TTC3: variants seen among roughly 807,000 people sequenced by gnomAD.
TTC3 encodes the protein E3 ubiquitin-protein ligase TTC3.
In TTC3, 180 loss-of-function variants were observed where a neutral mutation model predicts 249.6. That is an observed-to-expected ratio of 0.72 (90% CI 0.64 to 0.82). The LOEUF is 0.82. Among genes scored for constraint, TTC3 ranks in the 40% least tolerant of loss-of-function variants. The pLI, the probability that TTC3 is intolerant of heterozygous loss-of-function variation, is 0.00. For missense variants in TTC3, 2,061 were observed against 2,398.4 expected (o/e 0.86, Z 2.94); for synonymous variants, 717 against 805.0 (o/e 0.89, Z 1.85).
chr21:37,083,054 C>A, intron 1 of TTC3: 1 of 985,360 alleles, frequency 1.0e-6, no homozygotes, highest in Non-Finnish European at 1.2e-6. Context: ...GATGGTCAAA[C>A]AATGTGAAAA....
At chr21:37,165,946 T>C (rs763044975) in exon 33 of TTC3, 145 of 1,614,052 alleles carry the variant, frequency 9.0e-5, no homozygotes, top group Admixed American at 2.3e-4. Context: ...CTGCAAATTC[T>C]CCCAAGCCAG....
At chr21:37,172,161 C>A (rs1569138211) in intron 34 of TTC3, among the ~76,000 whole-genome samples, 2 of 151,940 alleles carry the variant, frequency 1.3e-5, no homozygotes, top group African/African-American at 4.8e-5. Context: ...TTTGAAATAA[C>A]CAGCAACTAT....
intron 36 of TTC3, among the ~76,000 whole-genome samples, chr21:37,184,661 G>T (rs2083076287): frequency 7.1e-6 from 1 of 139,968 alleles, no homozygotes; most frequent in African/African-American, 2.6e-5. Context: ...TAGAGATGGG[G>T]TTTCACCATG....
At chr21:37,156,035 TG>T (rs2080030689) in intron 27 of TTC3, among the ~76,000 whole-genome samples, 2 of 116,080 alleles carry the variant, frequency 1.7e-5, no homozygotes. Flanking sequence ...AAACATTGTT[TG>T]GGTTTGTTTT....
intron 16 of TTC3, among the ~76,000 whole-genome samples, chr21:37,130,575 C>T (rs560920450): frequency 6.6e-6 from 1 of 152,270 alleles, no homozygotes; most frequent in Non-Finnish European, 1.5e-5. Context: ...TTACCACCAT[C>T]ATTTTCATTA....
intron 20 of TTC3, among the ~76,000 whole-genome samples, chr21:37,142,070 TC>T (rs1359375646): frequency 1.3e-5 from 2 of 152,188 alleles, no homozygotes; most frequent in African/African-American, 2.4e-5. Context: ...GCTAAAACTC[TC>T]AATAAATTAG....
At chr21:37,122,421 T>A (rs1469442789) in intron 12 of TTC3, among the ~76,000 whole-genome samples, 3,206 of 36,272 alleles carry the variant, frequency 0.088, 66 homozygotes, top group Non-Finnish European at 0.15. Flanking sequence ...ATATATATAA[T>A]ATATATATAT....
chr21:37,108,507 G>A, intron 11 of TTC3, 61 bp downstream of exon 11: 1 of 1,466,712 alleles, frequency 6.8e-7, no homozygotes, highest in Non-Finnish European at 9.4e-7. Context: ...TGAAAAATCT[G>A]TTTATAGGGT....
chr21:37,096,070 C>G (rs908915299), intron 9 of TTC3, among the ~76,000 whole-genome samples: 4 of 152,218 alleles, frequency 2.6e-5, no homozygotes, highest in African/African-American at 9.6e-5. Context: ...AGTGTACCAC[C>G]TCTGAGAGGC....
At chr21:37,102,049 T>TCC (rs1568919080) in intron 10 of TTC3, among the ~76,000 whole-genome samples, 3 of 151,864 alleles carry the variant, frequency 2.0e-5, no homozygotes, top group African/African-American at 4.8e-5. Flanking sequence ...TTTTTACTTA[T>TCC]GTTTTACACT....
At position 37,164,340 on chromosome 21, in the gene TTC3, A is replaced by ATT. The variant is rs34114322; in HGVS notation, c.3335+140_3335+141dup. 3.4e-3 allele frequency: 2,337 copies of ATT among 689,138 alleles called. 21 individuals carry two copies. Among genetic ancestry groups the ATT allele is most frequent in the African/African-American group, 0.03 (1,524 of 50,410 alleles). The allele number at this position is 689,138 out of a possible 1,614,324, so 42.7% of individuals were successfully genotyped here. A position where few individuals can be genotyped will look rare whatever the true frequency, so the allele number is the denominator to read the frequency against. On this transcript the variant is annotated intron_variant, in intron 32 of 45. Transcript: ENST00000355666. ...ACATTTTACACAAAGTTAATTTAGG[A>ATT]TTTTTTTTTTTTTTTTGAGACAGAG...
intron 16 of TTC3, among the ~76,000 whole-genome samples, chr21:37,129,361 T>G (rs1158315410): frequency 6.6e-6 from 1 of 152,134 alleles, no homozygotes; most frequent in African/African-American, 2.4e-5. Flanking sequence ...AAGAGAGATA[T>G]AAGGTGCACA....
intron 16 of TTC3, among the ~76,000 whole-genome samples, chr21:37,131,400 A>G (rs1050193568): frequency 1.3e-5 from 2 of 152,240 alleles, no homozygotes; most frequent in African/African-American, 4.8e-5. Flanking sequence ...AAAAGAGGGC[A>G]TGGGGAGCTT....
chr21:37,150,840 A>C (rs537264054), exon 25 of TTC3: 1 of 1,611,514 alleles, frequency 6.2e-7, no homozygotes, highest in Non-Finnish European at 8.5e-7. Context: ...AGGTCATAAA[A>C]GAAAAGGTTC....
intron 11 of TTC3, among the ~76,000 whole-genome samples, chr21:37,114,792 A>G (rs928307193): frequency 2.0e-5 from 3 of 152,194 alleles, no homozygotes; most frequent in Non-Finnish European, 4.4e-5. Flanking sequence ...CACATGTCCA[A>G]CAATGATAGA....
At chr21:37,146,972 C>T (rs1224171900) in intron 21 of TTC3, among the ~76,000 whole-genome samples, 2 of 152,170 alleles carry the variant, frequency 1.3e-5, no homozygotes, top group Non-Finnish European at 2.9e-5. Flanking sequence ...GGAAGCATGG[C>T]ATGAGTCTCT....
intron 35 of TTC3, among the ~76,000 whole-genome samples, chr21:37,173,598 T>C (rs1451737107): frequency 6.6e-6 from 1 of 152,218 alleles, no homozygotes; most frequent in East Asian, 1.9e-4. Context: ...TAGTAATTCA[T>C]TTAAGAAAGG....
At chr21:37,127,447 A>G (rs577404670) in intron 15 of TTC3, among the ~76,000 whole-genome samples, 1 of 152,236 alleles carries the variant, frequency 6.6e-6, no homozygotes, top group Admixed American at 6.5e-5. Flanking sequence ...TGGAGAAGTG[A>G]ATATTTTTGT....
intron 20 of TTC3, among the ~76,000 whole-genome samples, chr21:37,142,210 T>A (rs2078539685): frequency 6.6e-6 from 1 of 152,206 alleles, no homozygotes; most frequent in Non-Finnish European, 1.5e-5. Context: ...ATGCCCTCTC[T>A]CACCACTCCT....
Sources: allele counts gnomAD v4.1 joint callset (sites outside exome capture counted in the v4.1 genomes callset), GRCh38; gene constraint gnomAD v4.1.1; transcripts MANE v1.5; gene names NCBI Gene and HGNC (gene_info 2026-07-23, HGNC 2026-07-21).